Variants in FBXO31 observed in about 807,000 individuals in gnomAD.
FBXO31 encodes F-box only protein 31.
A neutral mutation model predicts 54.4 loss-of-function variants in FBXO31; 24 were observed. The ratio of observed to expected loss-of-function variants is 0.44; its 90% CI spans 0.32 to 0.62. The LOEUF is 0.62. Among genes scored for constraint, FBXO31 ranks in the 20% least tolerant of loss-of-function variants. The pLI is 0.05. For synonymous variants in FBXO31, 388 were observed against 335.6 expected (o/e 1.16, Z -1.71); for missense variants, 665 against 787.1 (o/e 0.84, Z 1.86).
chr16:87,378,195 A>C (rs1906914528), intron 1 of FBXO31, among the ~76,000 whole-genome samples: 1 of 152,074 alleles, frequency 6.6e-6, no homozygotes, highest in Non-Finnish European at 1.5e-5. Context: ...AAATCTATCC[A>C]GATTACATAA....
chr16:87,369,826 G>A (rs974246704), intron 1 of FBXO31, among the ~76,000 whole-genome samples: 2 of 151,870 alleles, frequency 1.3e-5, no homozygotes, highest in Admixed American at 1.3e-4. Context: ...TCAGCCAGGC[G>A]ACAGACTGAG....
chr16:87,337,700 G>C (rs368209287), intron 5 of FBXO31, among the ~76,000 whole-genome samples: 2 of 83,956 alleles, frequency 2.4e-5, no homozygotes, highest in African/African-American at 5.9e-5. Flanking sequence ...TGCTCCGTCA[G>C]TTGGGTTTTC....
At chr16:87,366,757 G>A (rs1462567140) in intron 1 of FBXO31, among the ~76,000 whole-genome samples, 1 of 152,180 alleles carries the variant, frequency 6.6e-6, no homozygotes, top group East Asian at 1.9e-4. Flanking sequence ...GAGAGGGGAG[G>A]CAGAGGGCAG....
At chr16:87,388,043 A>C (rs967431199), upstream of FBXO31, among the ~76,000 whole-genome samples, 4 of 152,360 alleles carry the variant, frequency 2.6e-5, no homozygotes, top group South Asian at 8.3e-4. Context: ...AGCTATAAAC[A>C]CAGCAGTCCT....
rs759640375 is a variant in FBXO31, at chr16:87,336,175, G to A, written c.822C>T (p.Phe274=). 6.2e-7 allele frequency: 1 copy of A among 1,613,412 alleles called. No homozygotes were observed. The highest frequency in any genetic ancestry group is 1.7e-5 in the Admixed American group (1 of 59,976). Residue 274 remains phenylalanine, a synonymous_variant, in exon 6 of 9, where the codon TTC becomes TTT. Transcript: ENST00000311635. The surrounding 1 kb of genome is among the most constrained non-coding windows in gnomAD (Gnocchi z 6.5). ...CTCACTCGTACTGACTGGTGTAGATGAACTTCATCAGGATGAGCTCCTGCA... is the reference window on the plus strand; with the variant it reads ...CTCACTCGTACTGACTGGTGTAGATAAACTTCATCAGGATGAGCTCCTGCA... ...EHMQELILMK[F]IYTSQYDNCL... is the part of the protein sequence containing the mutation.
intron 2 of FBXO31, among the ~76,000 whole-genome samples, chr16:87,350,023 T>C (rs1421315163): frequency 1.3e-5 from 2 of 152,140 alleles, no homozygotes; most frequent in East Asian, 1.9e-4. Flanking sequence ...AGAGACCACA[T>C]GCACAGTCCA....
At chr16:87,374,950 G>C (rs1246998521) in intron 1 of FBXO31, among the ~76,000 whole-genome samples, 1 of 152,150 alleles carries the variant, frequency 6.6e-6, no homozygotes, top group African/African-American at 2.4e-5. Flanking sequence ...TGAGAGGCCG[G>C]GGTGGGCAGA....
intron 1 of FBXO31, among the ~76,000 whole-genome samples, chr16:87,380,858 T>A (rs1201986555): frequency 6.6e-6 from 1 of 152,248 alleles, no homozygotes; most frequent in Non-Finnish European, 1.5e-5. Context: ...TTTCTGTTAG[T>A]AATTCTAAGA....
At chr16:87,365,306 C>A (rs776486883) in intron 1 of FBXO31, among the ~76,000 whole-genome samples, 6 of 151,574 alleles carry the variant, frequency 4.0e-5, no homozygotes, top group South Asian at 2.1e-4. Context: ...CAGACCAATC[C>A]CACTCCTTAA....
In FBXO31 at chr16:87,336,157, G is replaced by A. The variant is rs374118672; in HGVS notation, c.840C>T (p.Tyr280=). ...CACCGAGCAGGAGCCGCACTCACTC[G>A]TACTGACTGGTGTAGATGAACTTCA... ...ILMKFIYTSQ[Y]DNCLTYRRIY... The change falls in exon 6 of 9, where the codon TAC becomes TAT. Residue 280 remains tyrosine (Y), a splice_region_variant and synonymous_variant. Transcript: ENST00000311635. The surrounding 1 kb of genome is among the most constrained non-coding windows in gnomAD (Gnocchi z 6.5). 7.4e-6 allele frequency: 12 copies of A among 1,613,396 alleles called. No individual in the cohort carries two copies. The highest frequency in any genetic ancestry group is 1.1e-5 in the South Asian group (1 of 91,074).
rs867136087 is a variant in FBXO31 at position 87,373,321 on chromosome 16, G to A, written c.340+10084C>T. 7.2e-5 allele frequency among the ~76,000 whole-genome samples: 11 copies of A among 152,028 alleles called. No homozygotes were observed. In the East Asian group the frequency reaches 1.2e-3, roughly 16 times the overall value. On this transcript the variant is annotated intron_variant, in intron 1 of 8. Coordinates refer to ENST00000311635, the MANE Select transcript of FBXO31 (RefSeq NM_024735.5). ...AAAAAAATTAGCCGAGCATGGTGTC[G>A]GGTGCCTGTAGTCCCAGCTACTCAG...
In FBXO31 at chr16:87,383,324, C is replaced by T. The variant is rs374908597; in HGVS notation, c.340+81G>A. The stretch of plus-strand genomic sequence containing the variant: ...TGGTGGCCCCCGGCCGGGGCCACCG[C>T]CCCCGCCACTCCCAGCTCCGAGGCC... On this transcript the variant is annotated intron_variant, in intron 1 of 8. Coordinates refer to ENST00000311635, the MANE Select transcript of FBXO31 (RefSeq NM_024735.5). This position sits in a 1 kb window ranked among gnomAD's most constrained non-coding sequence, Gnocchi z 4.9. 3 of 1,292,888 alleles carry T rather than the reference C, an allele frequency of 2.3e-6. No homozygotes were observed. Among genetic ancestry groups the T allele is most frequent in the African/African-American group, 3.2e-5 (2 of 63,406 alleles). 80.1% of individuals were successfully genotyped at this position (1,292,888 alleles called of 1,614,324 possible). A position where few individuals can be genotyped will look rare whatever the true frequency, so the allele number is the denominator to read the frequency against.
At position 87,383,378 on chromosome 16, in the gene FBXO31, C is replaced by T; in HGVS notation, c.340+27G>A. 6.7e-7 allele frequency: 1 copy of T among 1,502,576 alleles called. No homozygotes were observed. The highest frequency in any genetic ancestry group is 1.2e-5 in the South Asian group (1 of 82,116). 93.1% of individuals were successfully genotyped at this position (1,502,576 alleles called of 1,614,324 possible). A position where few individuals can be genotyped will look rare whatever the true frequency, so the allele number is the denominator to read the frequency against. ...ACCTGGCAGGGACCCCCCGCCCCTC[C>T]CGGCCCCGCCACCCCCGCGCGCTCA... On this transcript the variant is annotated intron_variant, in intron 1 of 8. Transcript: ENST00000311635. The surrounding 1 kb of genome is among the most constrained non-coding windows in gnomAD (Gnocchi z 4.9).
At chr16:87,385,197 G>C (rs1006447000), upstream of FBXO31, among the ~76,000 whole-genome samples, 10 of 152,086 alleles carry the variant, frequency 6.6e-5, no homozygotes, top group African/African-American at 9.7e-5. Flanking sequence ...GGTGGCTCAC[G>C]CCTGTAATCC....
intron 8 of FBXO31, 60 bp from the exon 9 acceptor site, chr16:87,331,570 C>G (rs781312096): frequency 1.4e-6 from 2 of 1,389,758 alleles, no homozygotes; most frequent in African/African-American, 2.8e-5. Flanking sequence ...ATGCACGCCA[C>G]GTACAGCATT....
chr16:87,390,191 G>C (rs1368570266), upstream of FBXO31, among the ~76,000 whole-genome samples: 1 of 152,108 alleles, frequency 6.6e-6, no homozygotes, highest in Non-Finnish European at 1.5e-5. Context: ...TGAGGCAGGA[G>C]AATCACCTGA....
Position 87,336,128 on chromosome 16 carries a change from C to A in FBXO31, c.842+27G>T, listed in dbSNP as rs1465841551. ...CAGCACACACCAGGAGAGGGCTACC[C>A]CAGCACCGAGCAGGAGCCGCACTCA... On this transcript the variant is annotated intron_variant, in intron 6 of 8. Transcript: ENST00000311635. This position sits in a 1 kb window ranked among gnomAD's most constrained non-coding sequence, Gnocchi z 6.5. 1 of 1,597,432 alleles carries A rather than the reference C, an allele frequency of 6.3e-7. No individual in the cohort carries two copies. The highest frequency in any genetic ancestry group is 8.6e-7 in the Non-Finnish European group (1 of 1,165,202).
chr16:87,340,788 CTCTCTTAAAAATTAACATT>C (rs1567615465), intron 5 of FBXO31, among the ~76,000 whole-genome samples: 8 of 152,136 alleles, frequency 5.3e-5, no homozygotes, highest in Non-Finnish European at 1.2e-4. Context: ...GAGACACCCT[CTCTCTTAAAAATTAACATT>C]AAAAATAAAA....
Position 87,335,554 on chromosome 16 carries a change from G to C in FBXO31, c.843-97C>G, listed in dbSNP as rs1905022680. ...GGGATGAGCTTTGCAGGGCGGGGTA[G>C]GGCGGGCAGCTCAGCTCAACCAGGG... On this transcript the variant is annotated intron_variant, in intron 6 of 8. Coordinates refer to ENST00000311635, the MANE Select transcript of FBXO31 (RefSeq NM_024735.5). The surrounding 1 kb of genome is among the most constrained non-coding windows in gnomAD (Gnocchi z 5.7). 8.9e-7 allele frequency: 1 copy of C among 1,120,074 alleles called. No individual in the cohort carries two copies. The highest frequency in any genetic ancestry group is 1.3e-6 in the Non-Finnish European group (1 of 799,286). The allele number at this position is 1,120,074 out of a possible 1,614,324, so 69.4% of individuals were successfully genotyped here.
Sources: gnomAD v4.1 joint callset for allele counts (sites outside exome capture counted in the v4.1 genomes callset) on GRCh38, gnomAD v4.1.1 for gene constraint, Gnocchi (gnomAD v3.1) non-coding constraint, MANE v1.5 for transcripts, NCBI Gene and HGNC (gene_info 2026-07-23, HGNC 2026-07-21) for gene names.